Variants in ANK2 observed in about 807,000 individuals in gnomAD.
ANK2 encodes the protein ankyrin 2.
In ANK2, 83 loss-of-function variants were observed where a neutral mutation model predicts 360.5. The ratio of observed to expected loss-of-function variants is 0.23; its 90% CI spans 0.19 to 0.28. ANK2 has a LOEUF of 0.28. ANK2 is among the 10% of genes least tolerant of loss of function. ANK2 has a pLI of 1.00. For missense variants in ANK2, 4,201 were observed against 4,795.7 expected, an observed-to-expected ratio of 0.88 and a Z score of 3.66; for synonymous variants, 1,740 against 1,759.5, an observed-to-expected ratio of 0.99 and a Z score of 0.28.
chr4:113,354,000 G>C lies in ANK2; in HGVS notation c.5382G>C (p.Lys1794Asn), dbSNP rs1397394462. ...AGTTGCCCATCAGAGTCAAAGGCAA[G>C]GAGGACGTGCCAAAAAAGACCACCC... ...RSKLPIRVKG[K>N]EDVPKKTTHR... is the part of the protein sequence containing the mutation. Residue 1794 changes from lysine (K) to asparagine (N), a missense_variant, in exon 38 of 46, where the codon AAG becomes AAC. Physicochemically the swap from Lys to Asn is moderately conservative, Grantham distance 94. This residue lies in a region of ANK2 where 2,642 missense variants were observed against 2,714.5 expected (regional missense o/e 0.97). Coordinates refer to ENST00000357077, the MANE Select transcript of ANK2 (RefSeq NM_001148.6). 2.5e-6 allele frequency: 4 copies of C among 1,613,978 alleles called. No homozygotes were observed. The highest frequency in any genetic ancestry group is 3.3e-4 in the Middle Eastern group (2 of 6,080).
intron 2 of ANK2, among the ~76,000 whole-genome samples, chr4:113,194,429 T>A (rs569604422): frequency 1.3e-5 from 2 of 152,266 alleles, no homozygotes; most frequent in South Asian, 4.1e-4. Context: ...AGGCAGTCAA[T>A]GGGGAAAGTA....
At chr4:112,737,991 T>A in the ANK2 span, among the ~76,000 whole-genome samples, 6 of 152,312 alleles carry the variant, frequency 3.9e-5, no homozygotes, top group South Asian at 1.2e-3. Context: ...ACCATACCAT[T>A]CATCTAACAT....
chr4:113,121,701 C>A (rs1449416841), intron 1 of ANK2, among the ~76,000 whole-genome samples: 1 of 152,020 alleles, frequency 6.6e-6, no homozygotes, highest in African/African-American at 2.4e-5. Flanking sequence ...GGTGATTTTG[C>A]ATGGGATTAA....
At chr4:112,935,280 T>C (rs572411070) in intron 2 of ANK2, among the ~76,000 whole-genome samples, 1 of 152,316 alleles carries the variant, frequency 6.6e-6, no homozygotes, top group South Asian at 2.1e-4. Context: ...TATATTTTCT[T>C]TCATTCAGAT....
Position 112,886,997 on chromosome 4 carries a change from G to A in ANK2, c.-39-17458G>A, listed in dbSNP as rs142019493. On this transcript the variant is annotated intron_variant, in intron 1 of 30. Transcript: ENST00000503271. ...TTTTTTGCTAATATTTAACACATTC[G>A]TCAAGATCTTATTCAAATGGTAGGT... is the stretch of plus-strand genomic sequence containing the variant. Among the ~76,000 whole-genome samples the A allele has an allele frequency of 1.6e-3, 248 of 152,210 alleles. 1 individual carries two copies. The highest frequency in any genetic ancestry group is 5.8e-4 in the East Asian group (3 of 5,178).
intron 1 of ANK2, among the ~76,000 whole-genome samples, chr4:113,147,192 GAGGCCGTCCC>G (rs1374662936): frequency 1.3e-5 from 2 of 152,112 alleles, no homozygotes; most frequent in Non-Finnish European, 2.9e-5. Flanking sequence ...GGTGGGGAGG[GAGGCCGTCCC>G]AGGGAAGGGA....
chr4:113,242,531 A>G (rs1306395743), intron 9 of ANK2, among the ~76,000 whole-genome samples: 1 of 152,186 alleles, frequency 6.6e-6, no homozygotes, highest in African/African-American at 2.4e-5. Context: ...AAGTATCAAG[A>G]ACCCAAACTA....
intron 1 of ANK2, among the ~76,000 whole-genome samples, chr4:113,149,867 C>G (rs1477134285): frequency 1.2e-5 from 1 of 81,248 alleles, no homozygotes; most frequent in African/African-American, 6.4e-5. Context: ...AGAGTGAGAC[C>G]CTGCCTCAAA....
intron 1 of ANK2, chr4:113,145,484 GAA>G (rs2096793715): frequency 1.2e-5 from 6 of 514,460 alleles, no homozygotes; most frequent in Non-Finnish European, 1.5e-5. Context: ...TACCCAGCAG[GAA>G]CTTAAGTCCA....
In ANK2 at chr4:113,348,260, A is replaced by G. The variant is rs753208421; in HGVS notation, c.4372-16A>G. On this transcript the variant is annotated splice_polypyrimidine_tract_variant and intron_variant, in intron 35 of 45. Coordinates refer to ENST00000357077, the MANE Select transcript of ANK2 (RefSeq NM_001148.6). ...CTCTCTTTTTTCCATCTTGCATGGCATCTTGGGGCGGAAAGGAATCAGAGT... is the reference window on the plus strand; with the variant it reads ...CTCTCTTTTTTCCATCTTGCATGGCGTCTTGGGGCGGAAAGGAATCAGAGT... 3.1e-6 allele frequency: 5 copies of G among 1,612,996 alleles called. No individual in the cohort carries two copies. The highest frequency in any genetic ancestry group is 4.2e-6 in the Non-Finnish European group (5 of 1,179,286).
At position 113,237,183 on chromosome 4, in the gene ANK2, C is replaced by G; in HGVS notation, c.669+11C>G. 6.2e-7 allele frequency: 1 copy of G among 1,612,102 alleles called. No homozygotes were observed. Among genetic ancestry groups the G allele is most frequent in the South Asian group, 1.1e-5 (1 of 91,046 alleles). On this transcript the variant is annotated intron_variant, in intron 6 of 45. Coordinates refer to ENST00000357077, the MANE Select transcript of ANK2 (RefSeq NM_001148.6). ...GACGTACAATCCAAGGTACTTAAAG[C>G]TGAACACATTTGTGGAAAGGAACTC...
At chr4:112,913,521 T>G (rs185457853) in intron 2 of ANK2, among the ~76,000 whole-genome samples, 57 of 152,336 alleles carry the variant, frequency 3.7e-4, no homozygotes, top group African/African-American at 9.9e-4. Flanking sequence ...CAGGATTAAT[T>G]TTTGAATAAT....
At chr4:112,954,813 G>C (rs1442479495) in intron 2 of ANK2, among the ~76,000 whole-genome samples, 1 of 152,120 alleles carries the variant, frequency 6.6e-6, no homozygotes, top group Non-Finnish European at 1.5e-5. Flanking sequence ...GAGTTTGCTT[G>C]CTGATATAAG....
the ANK2 span, among the ~76,000 whole-genome samples, chr4:112,806,016 G>A: frequency 6.6e-6 from 1 of 152,100 alleles, no homozygotes; most frequent in Non-Finnish European, 1.5e-5. Context: ...AGAGTAACCA[G>A]GGTATTCATT....
intron 1 of ANK2, among the ~76,000 whole-genome samples, chr4:112,877,143 C>G (rs550577519): frequency 6.6e-6 from 1 of 152,202 alleles, no homozygotes; most frequent in South Asian, 2.1e-4. Context: ...TCATTTCATT[C>G]TTTGTCGTTG....
chr4:112,879,888 G>A (rs1278010757), intron 1 of ANK2, among the ~76,000 whole-genome samples: 1 of 152,132 alleles, frequency 6.6e-6, no homozygotes, highest in Non-Finnish European at 1.5e-5. Flanking sequence ...AGACATTAAT[G>A]TTGGTTTCCC....
chr4:112,779,468 A>C, the ANK2 span, among the ~76,000 whole-genome samples: 1 of 152,148 alleles, frequency 6.6e-6, no homozygotes. Context: ...GTGGTGAGCC[A>C]AGATTGCGCC....
intron 4 of ANK2, chr4:113,217,136 T>C (rs144039638): frequency 6.6e-6 from 1 of 152,320 alleles, no homozygotes; most frequent in Non-Finnish European, 1.5e-5. Context: ...GACAGCCAAC[T>C]GTGTGTTCTC....
chr4:113,065,373 T>C (rs1189806557), intron 1 of ANK2, among the ~76,000 whole-genome samples: 1 of 152,210 alleles, frequency 6.6e-6, no homozygotes, highest in Non-Finnish European at 1.5e-5. Context: ...ATGTGAGTGC[T>C]CTCTTTTGTG....
Sources: allele counts gnomAD v4.1 joint callset (sites outside exome capture counted in the v4.1 genomes callset), GRCh38; gene constraint gnomAD v4.1.1; regional missense constraint gnomAD v4.1.1; transcripts MANE v1.5; gene names NCBI Gene and HGNC (gene_info 2026-07-23, HGNC 2026-07-21).